Variants in UBE2V1 observed in about 807,000 individuals in gnomAD.
The protein encoded by UBE2V1 is ubiquitin conjugating enzyme E2 V1, also known as ubiquitin-conjugating enzyme E2 variant 1.
Under a neutral mutation model 19.6 loss-of-function variants are expected in UBE2V1, and 15 were observed. The ratio of observed to expected loss-of-function variants is 0.77; its 90% CI spans 0.51 to 1.18. UBE2V1 has a LOEUF of 1.18. Among genes scored for constraint, UBE2V1 ranks in the 50% most tolerant of loss-of-function variants. The probability of loss-of-function intolerance (pLI) is 0.00; values close to 1 mark genes in which losing one functional copy is unlikely to be tolerated. For missense variants in UBE2V1, 125 were observed against 184.8 expected (o/e 0.68, Z 1.88); for synonymous variants, 60 against 60.7 (o/e 0.99, Z 0.05).
chr20:50,096,322 T>A, intron 2 of UBE2V1: 1 of 308,582 alleles, frequency 3.2e-6, no homozygotes, highest in Non-Finnish European at 6.1e-6. Flanking sequence ...CAGAGTTAAT[T>A]TGGAGACTGG....
intron 1 of UBE2V1, among the ~76,000 whole-genome samples, chr20:50,097,298 AAC>A (rs2079689073): frequency 6.6e-6 from 1 of 152,240 alleles, no homozygotes; most frequent in African/African-American, 2.4e-5. Context: ...CCTCTTAATC[AAC>A]TAAGAGTCAA....
In UBE2V1 at chr20:50,110,740, C is replaced by T. The variant is rs116717042; in HGVS notation, c.22+2367G>A. Among the ~76,000 whole-genome samples, 634 of 152,318 alleles carry T rather than the reference C, an allele frequency of 4.2e-3. 5 individuals carry two copies. Among genetic ancestry groups the T allele is most frequent in the African/African-American group, 0.015 (610 of 41,570 alleles). ...ACTTGTTTGATGGCTTCCCCTCATA[C>T]CATCTCAAATCCAAAGCCATGTCTC... On this transcript the variant is annotated intron_variant, in intron 1 of 3. Transcript: ENST00000371674.
intron 1 of UBE2V1, chr20:50,104,266 G>A: frequency 2.1e-6 from 2 of 947,528 alleles, no homozygotes; most frequent in South Asian, 5.0e-5. Flanking sequence ...TGGCAATAGG[G>A]CCAGACTCCG....
At chr20:50,097,761 GA>G (rs1325551813) in intron 1 of UBE2V1, among the ~76,000 whole-genome samples, 1 of 152,168 alleles carries the variant, frequency 6.6e-6, no homozygotes, top group Non-Finnish European at 1.5e-5. Context: ...CTTGAATGCT[GA>G]GCTCTCAATT....
chr20:50,111,191 T>C (rs1243000706), intron 1 of UBE2V1: 2 of 953,980 alleles, frequency 2.1e-6, no homozygotes, highest in African/African-American at 3.5e-5. Context: ...CCTCAAAGCC[T>C]GTCCTATGTT....
At chr20:50,098,727 T>C (rs2079794641) in intron 1 of UBE2V1, among the ~76,000 whole-genome samples, 1 of 152,216 alleles carries the variant, frequency 6.6e-6, no homozygotes, top group Non-Finnish European at 1.5e-5. Context: ...GAATAACTTA[T>C]TTAGGGTAAG....
intron 1 of UBE2V1, among the ~76,000 whole-genome samples, chr20:50,106,863 AACAACAACAAC>A (rs1486445610): frequency 1.1e-3 from 106 of 95,780 alleles, no homozygotes; most frequent in African/African-American, 5.0e-3. Context: ...CAACAACAAC[AACAACAACAAC>A]AAAAAAAAAA....
chr20:50,089,319 G>A lies in UBE2V1; in HGVS notation c.172-5065C>T, dbSNP rs529439222. ...TGGCTGCTGCTAGAACCTCCAAGGAGGGGGCTTGGCGGGATGTGATGAGGC... is the reference window on the plus strand; with the variant it reads ...TGGCTGCTGCTAGAACCTCCAAGGAAGGGGCTTGGCGGGATGTGATGAGGC... On this transcript the variant is annotated intron_variant, in intron 2 of 3. Transcript: ENST00000371674. Among the ~76,000 whole-genome samples the A allele has an allele frequency of 3.3e-5, 5 of 152,290 alleles. No homozygotes were observed. The South Asian group carries it at 1.0e-3, about 32-fold the overall frequency.
At chr20:50,104,615 G>A (rs1172788693) in intron 1 of UBE2V1, among the ~76,000 whole-genome samples, 5 of 121,568 alleles carry the variant, frequency 4.1e-5, no homozygotes, top group Admixed American at 1.0e-4. Context: ...CCGAGATTGC[G>A]CCACTGCACT....
chr20:50,096,380 A>C, intron 2 of UBE2V1: 1 of 521,322 alleles, frequency 1.9e-6, no homozygotes, highest in Non-Finnish European at 3.2e-6. Context: ...TGGTTAGCCC[A>C]GAGATTGTTC....
At chr20:50,104,281 A>AG (rs2080209113) in intron 1 of UBE2V1, 1 of 131,286 alleles carries the variant, frequency 7.6e-6, no homozygotes. Context: ...ACTCCGTCTC[A>AG]AAAAAAAAAA....
chr20:50,101,449 G>A (rs1216757940), intron 1 of UBE2V1, among the ~76,000 whole-genome samples: 21 of 123,796 alleles, frequency 1.7e-4, no homozygotes, highest in South Asian at 2.4e-4. Context: ...ACAAAGTCTC[G>A]CTCTTGTTCC....
At chr20:50,098,830 A>T in intron 1 of UBE2V1, 1 of 706,012 alleles carries the variant, frequency 1.4e-6, no homozygotes, top group South Asian at 6.4e-5. Context: ...AAAAATATTA[A>T]ATAGTACTAC....
chr20:50,104,454 G>T (rs1397951820), intron 1 of UBE2V1: 1 of 581,426 alleles, frequency 1.7e-6, no homozygotes, highest in Non-Finnish European at 2.2e-6. Flanking sequence ...TCAGGAGATC[G>T]AGACCATCCT....
At chr20:50,109,747 C>CA (rs11468343) in intron 1 of UBE2V1, among the ~76,000 whole-genome samples, 77 of 89,506 alleles carry the variant, frequency 8.6e-4, no homozygotes, top group Middle Eastern at 5.0e-3. Flanking sequence ...AACTCCGTCT[C>CA]AAAAAAAAAA....
chr20:50,096,293 C>A (rs1002280852), intron 2 of UBE2V1: 3 of 285,676 alleles, frequency 1.1e-5, no homozygotes, highest in African/African-American at 6.8e-5. Context: ...GAAGAAAAAC[C>A]ACAACTGGGA....
rs1270503795 is a variant in UBE2V1 at position 50,082,656 on chromosome 20, C to A, written c.*112G>T. On this transcript the variant is annotated 3_prime_UTR_variant, in exon 4 of 4. Coordinates refer to ENST00000371674, the MANE Select transcript of UBE2V1 (RefSeq NM_001032288.3). ...TTTCCTTTGAATGGGAGCTTCCTTT[C>A]CGGTACTTTGAGGTCTACAAGACGT... 34 of 1,491,534 alleles carry A rather than the reference C, an allele frequency of 2.3e-5. No homozygotes were observed. The highest frequency in any genetic ancestry group is 4.8e-5 in the Admixed American group (2 of 41,840). The allele number at this position is 1,491,534 out of a possible 1,614,324, so 92.4% of individuals were successfully genotyped here.
chr20:50,101,785 G>T (rs751911720), intron 1 of UBE2V1, among the ~76,000 whole-genome samples: 2 of 151,822 alleles, frequency 1.3e-5, no homozygotes, highest in Non-Finnish European at 2.9e-5. Context: ...TAAAAACTGG[G>T]GTCTCCCTAA....
intron 1 of UBE2V1, among the ~76,000 whole-genome samples, chr20:50,104,981 C>T: frequency 6.6e-6 from 1 of 152,178 alleles, no homozygotes; most frequent in Non-Finnish European, 1.5e-5. Flanking sequence ...CCTGCCTCAG[C>T]CTCCCAAAGT....
Sources: allele counts gnomAD v4.1 joint callset (sites outside exome capture counted in the v4.1 genomes callset), GRCh38; gene constraint gnomAD v4.1.1; transcripts MANE v1.5; gene names NCBI Gene and HGNC (gene_info 2026-07-23, HGNC 2026-07-21).